The following HECTD4 variants were observed in gnomAD, a reference collection of about 807,000 sequenced individuals.
The protein encoded by HECTD4 is probable E3 ubiquitin-protein ligase HECTD4.
Under a neutral mutation model 471.5 loss-of-function variants are expected in HECTD4, and 114 were observed. The ratio of observed to expected loss-of-function variants is 0.24; its 90% confidence interval spans 0.21 to 0.28. The LOEUF (loss-of-function observed/expected upper bound fraction) is 0.28, where lower values mean the gene tolerates loss of function less well. HECTD4 is among the 10% of genes least tolerant of loss of function. The pLI, the probability that HECTD4 is intolerant of heterozygous loss-of-function variation, is 1.00. For synonymous variants in HECTD4, 2,012 were observed against 2,256.0 expected (o/e 0.89, Z 3.07); for missense variants, 3,866 against 5,651.5 (o/e 0.68, Z 10.13).
At chr12:112,308,461 A>C (rs1040737447) in intron 6 of HECTD4, among the ~76,000 whole-genome samples, 25 of 151,784 alleles carry the variant, frequency 1.6e-4, no homozygotes, top group Admixed American at 5.9e-4. Context: ...AACAAAACAA[A>C]AAAAAAAAAC....
Position 112,324,107 on chromosome 12 carries a change from C to T in HECTD4, c.178-4365G>A, listed in dbSNP as rs200348476. ...CTTTCTTTCTTTCTTTCTTTCCTCT[C>T]TCTCTTTCTTTCTTTTTTTTATTTT... is the stretch of plus-strand genomic sequence containing the variant. On this transcript the variant is annotated intron_variant, in intron 1 of 75. Transcript: ENST00000682272. 0.039 allele frequency among the ~76,000 whole-genome samples: 2,851 copies of T among 72,846 alleles called. 823 individuals carry two copies. The East Asian group carries it at 0.82, about 21-fold the overall frequency. The allele number at this position is 72,846 out of a possible 152,430, so 47.8% of individuals were successfully genotyped here. A position where few individuals can be genotyped will look rare whatever the true frequency, so the allele number is the denominator to read the frequency against.
chr12:112,283,262 C>G lies in HECTD4; in HGVS notation c.1376G>C (p.Arg459Pro). 1 of 1,613,236 alleles carries G rather than the reference C, an allele frequency of 6.2e-7. No individual in the cohort carries two copies. The change falls in exon 8 of 76, where the codon CGT (arginine) becomes CCT (proline). Residue 459 changes from arginine to proline, a missense_variant. Around this residue, in one of 16 missense-constraint regions of HECTD4, gnomAD observed 440 missense variants for 636.0 expected, o/e 0.69. Transcript: ENST00000682272. ...GVFVANPLQE[R>P]TILMRKEGES... ...GCCCTCTTTTCTCATTAGAATTGTA[C>G]GTTCCTGAAGTGGGTTGGCTACAAA...
chr12:112,346,688 G>A lies in HECTD4; in HGVS notation c.178-26946C>T, dbSNP rs530615550. 1.6e-3 allele frequency among the ~76,000 whole-genome samples: 240 copies of A among 152,260 alleles called. 1 individual carries two copies. The highest frequency in any genetic ancestry group is 3.0e-3 in the Non-Finnish European group (205 of 68,024). On this transcript the variant is annotated intron_variant, in intron 1 of 75. Transcript: ENST00000682272. ...AGATTTTTGTGTTGAGGCTGCCATA[G>A]TTCTTGAATTTCTCCAGCCCCGACA...
In HECTD4 at chr12:112,162,649, C is replaced by T. The variant is rs1593880676; in HGVS notation, c.13121-126G>A. The stretch of plus-strand genomic sequence containing the variant: ...GCCCCAAGCCAATCCTGGGGCCCAG[C>T]AGGAGGGGGATGAGGGCCTGGGAAC... On this transcript the variant is annotated intron_variant, in intron 75 of 75. Coordinates refer to ENST00000682272, the MANE Select transcript of HECTD4 (RefSeq NM_001388303.1). This position sits in a 1 kb window ranked among gnomAD's most constrained non-coding sequence, Gnocchi z 5.2. 1.7e-6 allele frequency: 2 copies of T among 1,148,708 alleles called. No individual in the cohort carries two copies. The highest frequency in any genetic ancestry group is 2.5e-6 in the Non-Finnish European group (2 of 805,436). The allele number at this position is 1,148,708 out of a possible 1,614,324, so 71.2% of individuals were successfully genotyped here.
rs1479643535 is a variant in HECTD4, at chr12:112,167,736, C to A, written c.12312+78G>T. 3 of 1,326,172 alleles carry A rather than the reference C, an allele frequency of 2.3e-6. No homozygotes were observed. In the South Asian group the frequency reaches 3.5e-5, roughly 16 times the overall value. The allele number at this position is 1,326,172 out of a possible 1,614,324, so 82.2% of individuals were successfully genotyped here. A position where few individuals can be genotyped will look rare whatever the true frequency, so the allele number is the denominator to read the frequency against. On this transcript the variant is annotated intron_variant, in intron 71 of 75. Coordinates refer to ENST00000682272, the MANE Select transcript of HECTD4 (RefSeq NM_001388303.1). Reference sequence around the variant, plus strand: ...CTGAAACGGTTTGGCTTTGATGAGACACACACTGCCCGCCACCCCAGCCAC... The same window carrying A: ...CTGAAACGGTTTGGCTTTGATGAGAAACACACTGCCCGCCACCCCAGCCAC...
At chr12:112,251,626 C>A (rs1019082702) in intron 23 of HECTD4, among the ~76,000 whole-genome samples, 4 of 152,194 alleles carry the variant, frequency 2.6e-5, no homozygotes, top group Admixed American at 2.6e-4. Flanking sequence ...CCTGCTCTCA[C>A]GGAGCTTACA....
intron 38 of HECTD4, among the ~76,000 whole-genome samples, chr12:112,232,429 C>CT (rs2033404268): frequency 6.6e-6 from 1 of 152,206 alleles, no homozygotes; most frequent in African/African-American, 2.4e-5. Flanking sequence ...AGTGCCTGGC[C>CT]TATTTTGTTT....
rs775792386 is a variant in HECTD4, at chr12:112,163,515, C to T, written c.12897+27G>A. The T allele has an allele frequency of 2.3e-5, 33 of 1,446,864 alleles. No homozygotes were observed. The highest frequency in any genetic ancestry group is 5.1e-5 in the East Asian group (2 of 39,318). The allele number at this position is 1,446,864 out of a possible 1,614,324, so 89.6% of individuals were successfully genotyped here. ...GCACGCCTGGGGCTCACCACCTCCCCGCCCAGCCTGGCCCTGGGATGTCTA... is the reference window on the plus strand; with the variant it reads ...GCACGCCTGGGGCTCACCACCTCCCTGCCCAGCCTGGCCCTGGGATGTCTA... On this transcript the variant is annotated intron_variant, in intron 74 of 75. Transcript: ENST00000682272. The surrounding 1 kb of genome is among the most constrained non-coding windows in gnomAD (Gnocchi z 8.2).
rs1431352056 is a variant in HECTD4 at position 112,258,592 on chromosome 12, G to A, written c.3032C>T (p.Ala1011Val). Reference sequence around the variant, plus strand: ...CGGACACTGGGTTTTAAGCAGCAACGCCGTCTGAAACACAAAACCATCATT... The same window carrying A: ...CGGACACTGGGTTTTAAGCAGCAACACCGTCTGAAACACAAAACCATCATT... Reference protein sequence around the residue: ...VQLVLYTSQTALLLKTQCPVF... With the variant: ...VQLVLYTSQTVLLLKTQCPVF... The change falls in exon 20 of 76, where the codon GCG (alanine) becomes GTG (valine). Residue 1011 changes from alanine to valine, a missense_variant. Physicochemically the swap from Ala to Val is moderately conservative, Grantham distance 64 (BLOSUM62 0). Around this residue, in one of 16 missense-constraint regions of HECTD4, gnomAD observed 525 missense variants for 672.6 expected, o/e 0.78. Transcript: ENST00000682272. 1.9e-6 allele frequency: 3 copies of A among 1,596,510 alleles called. No homozygotes were observed. Among genetic ancestry groups the A allele is most frequent in the East Asian group, 2.3e-5 (1 of 43,564 alleles).
intron 45 of HECTD4, 133 bp from the exon 46 acceptor site, chr12:112,217,328 CACACACAT>C (rs1228629765): frequency 4.0e-6 from 2 of 493,894 alleles, no homozygotes; most frequent in African/African-American, 4.4e-5. Context: ...TACACACACA[CACACACAT>C]ACACACACAC....
At chr12:112,187,847 T>G (rs558747002) in intron 60 of HECTD4, among the ~76,000 whole-genome samples, 1 of 147,870 alleles carries the variant, frequency 6.8e-6, no homozygotes, top group Non-Finnish European at 1.5e-5. Flanking sequence ...AGGATGGTCT[T>G]GATCTCCTGA....
chr12:112,369,143 A>G lies in HECTD4; in HGVS notation c.177+12809T>C, dbSNP rs116865221. 4.2e-4 allele frequency among the ~76,000 whole-genome samples: 64 copies of G among 152,266 alleles called. No individual in the cohort carries two copies. The East Asian group carries it at 0.011, about 26-fold the overall frequency. On this transcript the variant is annotated intron_variant, in intron 1 of 75. Coordinates refer to ENST00000682272, the MANE Select transcript of HECTD4 (RefSeq NM_001388303.1). ...CCGGATTACTGACCAAAATGAGCCT[A>G]TGCCGGGACAAGAAGGCTATCAAGC... is the stretch of plus-strand genomic sequence containing the variant.
chr12:112,352,422 G>A (rs543706190), intron 1 of HECTD4, among the ~76,000 whole-genome samples: 10 of 147,980 alleles, frequency 6.8e-5, no homozygotes, highest in African/African-American at 2.3e-4. Context: ...TGCAACCTCC[G>A]CCTCCTGGGC....
At position 112,163,778 on chromosome 12, in the gene HECTD4, A is replaced by G; in HGVS notation, c.12702-41T>C. On this transcript the variant is annotated intron_variant, in intron 73 of 75. Transcript: ENST00000682272. This position sits in a 1 kb window ranked among gnomAD's most constrained non-coding sequence, Gnocchi z 8.2. ...GCACAGGTGAGGGAGAACACCGCCG[A>G]AGAGGCTGGGTCTGGGGGCCACACC... 1 of 1,413,542 alleles carries G rather than the reference A, an allele frequency of 7.1e-7. No homozygotes were observed. Among genetic ancestry groups the G allele is most frequent in the Non-Finnish European group, 9.3e-7 (1 of 1,077,468 alleles). 87.6% of individuals were successfully genotyped at this position (1,413,542 alleles called of 1,614,324 possible).
At chr12:112,278,114 A>G (rs2034564350) in intron 9 of HECTD4, among the ~76,000 whole-genome samples, 1 of 152,226 alleles carries the variant, frequency 6.6e-6, no homozygotes, top group Non-Finnish European at 1.5e-5. Flanking sequence ...ATAAAAGGCC[A>G]TATGTTGTAT....
chr12:112,172,936 G>T, intron 66 of HECTD4, 75 bp from the exon 67 acceptor site: 1 of 1,331,756 alleles, frequency 7.5e-7, no homozygotes, highest in Non-Finnish European at 1.1e-6. Context: ...TTCTCTTACA[G>T]AGCCCTGTCC....
intron 25 of HECTD4, among the ~76,000 whole-genome samples, 162 bp from the exon 26 acceptor site, chr12:112,248,674 G>T (rs907821342): frequency 2.6e-5 from 4 of 152,136 alleles, no homozygotes; most frequent in African/African-American, 9.7e-5. Flanking sequence ...TCAAACTCCT[G>T]GGCTCAAGGG....
At chr12:112,182,475 G>C (rs1164657573) in intron 62 of HECTD4, among the ~76,000 whole-genome samples, 1 of 151,996 alleles carries the variant, frequency 6.6e-6, no homozygotes, top group Non-Finnish European at 1.5e-5. Flanking sequence ...TGGGACTTCG[G>C]AGAAAAAAGG....
rs71956504 is a variant in HECTD4, at chr12:112,217,336, T to TAC, written c.7075-143_7075-142dup. On this transcript the variant is annotated intron_variant, in intron 45 of 75. Transcript: ENST00000682272. ...ACACACATACACACACACACACACATACACACACACACACACACACAATTT... is the reference window on the plus strand; with the variant it reads ...ACACACATACACACACACACACACATACACACACACACACACACACACAATTT... 2,260 of 408,560 alleles carry TAC rather than the reference T, an allele frequency of 5.5e-3. 10 individuals carry two copies. Among genetic ancestry groups the TAC allele is most frequent in the African/African-American group, 0.015 (741 of 48,182 alleles). 25.3% of individuals were successfully genotyped at this position (408,560 alleles called of 1,614,324 possible).
Sources: gnomAD v4.1 joint callset for allele counts (sites outside exome capture counted in the v4.1 genomes callset) on GRCh38, gnomAD v4.1.1 for gene constraint, gnomAD v4.1.1 regional missense constraint, Gnocchi (gnomAD v3.1) non-coding constraint, MANE v1.5 for transcripts, NCBI Gene and HGNC (gene_info 2026-07-23, HGNC 2026-07-21) for gene names.